Variants in PPP1R12A observed in about 807,000 individuals in gnomAD.
PPP1R12A encodes myosin binding subunit.
In PPP1R12A, 19 loss-of-function variants were observed where a neutral mutation model predicts 139.6. The observed-to-expected ratio is 0.14, with a 90% CI of 0.09 to 0.20. The LOEUF is 0.20. PPP1R12A is among the 10% of genes least tolerant of loss of function. The probability of loss-of-function intolerance (pLI) is 1.00; values close to 1 mark genes in which losing one functional copy is unlikely to be tolerated. For missense variants in PPP1R12A, 925 were observed against 1,211.5 expected (o/e 0.76, Z 3.51); for synonymous variants, 427 against 420.6 (o/e 1.02, Z -0.19).
chr12:79,905,008 C>G (rs1384612755), intron 1 of PPP1R12A, among the ~76,000 whole-genome samples: 1 of 152,216 alleles, frequency 6.6e-6, no homozygotes, highest in Non-Finnish European at 1.5e-5. Context: ...GTCTGAAAAT[C>G]TATTTTAACA....
At chr12:79,898,802 A>G (rs1294514115) in intron 1 of PPP1R12A, among the ~76,000 whole-genome samples, 3 of 152,064 alleles carry the variant, frequency 2.0e-5, no homozygotes, top group Non-Finnish European at 4.4e-5. Context: ...CTGCCTCTAT[A>G]CCAACTCACA....
At chr12:79,781,306 TTAAAA>T (rs1253601813) in intron 23 of PPP1R12A, among the ~76,000 whole-genome samples, 6 of 152,274 alleles carry the variant, frequency 3.9e-5, no homozygotes, top group Non-Finnish European at 7.4e-5. Flanking sequence ...TTTTTTTTGT[TTAAAA>T]TAGCCTACTT....
chr12:79,791,756 G>A (rs996001017), intron 19 of PPP1R12A, among the ~76,000 whole-genome samples: 11 of 151,998 alleles, frequency 7.2e-5, no homozygotes, highest in South Asian at 4.2e-4. Flanking sequence ...GCAAAAGATC[G>A]CTAGAACTTT....
intron 6 of PPP1R12A, among the ~76,000 whole-genome samples, chr12:79,821,854 ACT>A (rs1413550334): frequency 6.6e-6 from 1 of 152,136 alleles, no homozygotes; most frequent in East Asian, 1.9e-4. Context: ...TAAGTAAAAC[ACT>A]CTAATGAAAT....
intron 1 of PPP1R12A, among the ~76,000 whole-genome samples, chr12:79,909,488 G>A (rs1886385291): frequency 6.6e-6 from 1 of 152,038 alleles, no homozygotes; most frequent in Non-Finnish European, 1.5e-5. Flanking sequence ...TGTAATCCCA[G>A]CACTTTGGGA....
At chr12:79,882,040 A>T (rs530672634) in intron 1 of PPP1R12A, among the ~76,000 whole-genome samples, 2 of 152,336 alleles carry the variant, frequency 1.3e-5, no homozygotes, top group African/African-American at 4.8e-5. Flanking sequence ...TATTGCTGCT[A>T]ACAACAATGA....
chr12:79,791,689 G>A (rs1374077305), intron 19 of PPP1R12A, among the ~76,000 whole-genome samples: 1 of 152,126 alleles, frequency 6.6e-6, no homozygotes, highest in Non-Finnish European at 1.5e-5. Context: ...AATTTACCAT[G>A]TAAACCATTT....
chr12:79,810,059 G>A, intron 9 of PPP1R12A, 49 bp from the exon 10 acceptor site: 1 of 1,362,036 alleles, frequency 7.3e-7, no homozygotes, highest in South Asian at 1.3e-5. Context: ...TTGTAAAGCT[G>A]ATCAGTCCTT....
chr12:79,810,140 T>C (rs1874345094), intron 9 of PPP1R12A, 130 bp from the exon 10 acceptor site: 4 of 746,994 alleles, frequency 5.4e-6, no homozygotes, highest in Non-Finnish European at 6.3e-6. Flanking sequence ...TAAAACACTT[T>C]TACTACATAG....
chr12:79,856,019 G>A (rs1032351153), intron 2 of PPP1R12A, among the ~76,000 whole-genome samples: 2 of 151,878 alleles, frequency 1.3e-5, no homozygotes, highest in Admixed American at 1.3e-4. Flanking sequence ...CTTAGATCCA[G>A]TAAATCACAC....
intron 1 of PPP1R12A, among the ~76,000 whole-genome samples, chr12:79,930,471 T>C (rs763674240): frequency 1.3e-4 from 20 of 152,074 alleles, no homozygotes; most frequent in African/African-American, 3.6e-4. Context: ...GCTATTACTA[T>C]ACTCTAGGGA....
chr12:79,872,686 A>G, intron 2 of PPP1R12A, 122 bp downstream of exon 2: 1 of 1,122,992 alleles, frequency 8.9e-7, no homozygotes, highest in Non-Finnish European at 1.2e-6. Flanking sequence ...TCTTTCTTGG[A>G]AAGAATAATT....
intron 4 of PPP1R12A, among the ~76,000 whole-genome samples, chr12:79,830,649 T>G (rs956186908): frequency 6.6e-6 from 1 of 152,240 alleles, no homozygotes; most frequent in African/African-American, 2.4e-5. Flanking sequence ...TCGACAGATG[T>G]AAAAGTGTAA....
intron 1 of PPP1R12A, among the ~76,000 whole-genome samples, chr12:79,914,242 A>G (rs1886818673): frequency 6.6e-6 from 1 of 152,028 alleles, no homozygotes; most frequent in African/African-American, 2.4e-5. Flanking sequence ...AAAATTCAAA[A>G]TGGTATTTTA....
At chr12:79,838,281 T>C (rs1878320522) in intron 3 of PPP1R12A, among the ~76,000 whole-genome samples, 1 of 152,138 alleles carries the variant, frequency 6.6e-6, no homozygotes, top group African/African-American at 2.4e-5. Context: ...GGAGGTAATT[T>C]AGGGTATCTG....
At chr12:79,788,614 C>T (rs1253877284) in intron 21 of PPP1R12A, 34 bp downstream of exon 21, 2 of 1,538,312 alleles carry the variant, frequency 1.3e-6, no homozygotes, top group Non-Finnish European at 1.8e-6. Context: ...TAAAAGATAA[C>T]TTTTTATTAA....
intron 1 of PPP1R12A, among the ~76,000 whole-genome samples, chr12:79,878,790 C>G (rs535743224): frequency 6.6e-6 from 1 of 152,260 alleles, no homozygotes; most frequent in Non-Finnish European, 1.5e-5. Flanking sequence ...TAACTGCCCC[C>G]ATGATTCATT....
At chr12:79,807,127 A>G (rs1333273964) in intron 12 of PPP1R12A, 99 bp downstream of exon 12, 19 of 632,702 alleles carry the variant, frequency 3.0e-5, no homozygotes, top group South Asian at 2.0e-4. Flanking sequence ...ATAAAAACAC[A>G]TATTTGTTTA....
intron 9 of PPP1R12A, among the ~76,000 whole-genome samples, chr12:79,814,144 A>G (rs1874952245): frequency 6.6e-6 from 1 of 152,180 alleles, no homozygotes; most frequent in Non-Finnish European, 1.5e-5. Context: ...AGAATCACTG[A>G]AAATAACAGG....
Sources: gnomAD v4.1 joint callset for allele counts (sites outside exome capture counted in the v4.1 genomes callset) on GRCh38, gnomAD v4.1.1 for gene constraint, MANE v1.5 for transcripts, NCBI Gene and HGNC (gene_info 2026-07-23, HGNC 2026-07-21) for gene names.